The following CRYBB1 variants were observed in gnomAD, a reference collection of about 807,000 sequenced individuals.
CRYBB1 encodes the protein crystallin beta B1.
A neutral mutation model predicts 29.5 loss-of-function variants in CRYBB1; 16 were observed. The ratio of observed to expected loss-of-function variants is 0.54; its 90% CI spans 0.37 to 0.82. The LOEUF is 0.82. Among genes scored for constraint, CRYBB1 ranks in the 40% least tolerant of loss-of-function variants. CRYBB1 has a pLI of 0.00. For missense variants in CRYBB1, 300 were observed against 350.5 expected (o/e 0.86, Z 1.15); for synonymous variants, 127 against 136.7 (o/e 0.93, Z 0.49).
intron 5 of CRYBB1, among the ~76,000 whole-genome samples, chr22:26,600,009 G>A (rs1049278864): frequency 6.6e-6 from 1 of 152,226 alleles, no homozygotes; most frequent in Admixed American, 6.5e-5. Flanking sequence ...TAAACGTGAT[G>A]ATGCAGGGCT....
At chr22:26,604,213 C>T (rs1928907850) in intron 4 of CRYBB1, among the ~76,000 whole-genome samples, 1 of 152,248 alleles carries the variant, frequency 6.6e-6, no homozygotes, top group African/African-American at 2.4e-5. Flanking sequence ...CCCAGCAACT[C>T]CCAGCTGTGT....
At chr22:26,606,815 C>G (rs1361529141) in intron 4 of CRYBB1, among the ~76,000 whole-genome samples, 1 of 152,126 alleles carries the variant, frequency 6.6e-6, no homozygotes, top group African/African-American at 2.4e-5. Context: ...CCATCAGCAA[C>G]TAACATTGGT....
intron 4 of CRYBB1, among the ~76,000 whole-genome samples, chr22:26,607,019 C>CT (rs34126720): frequency 0.28 from 31,047 of 111,926 alleles, 5,441 homozygotes; most frequent in African/African-American, 0.31. Flanking sequence ...TATCCCTCTC[C>CT]TTTTTTTTTT....
chr22:26,607,751 C>A, intron 4 of CRYBB1, 138 bp downstream of exon 4: 8 of 1,150,336 alleles, frequency 7.0e-6, no homozygotes, highest in Non-Finnish European at 1.0e-5. Context: ...CTCAAGAATC[C>A]ACGGTCCTTT....
At chr22:26,611,515 C>T (rs565917779) in intron 3 of CRYBB1, among the ~76,000 whole-genome samples, 9 of 150,640 alleles carry the variant, frequency 6.0e-5, no homozygotes, top group East Asian at 1.9e-4. Flanking sequence ...TCGCCCAGGC[C>T]GGACTGCAGA....
rs761669890 is a variant in CRYBB1, at chr22:26,599,571, C to T, written c.678G>A (p.Met226Ile). The T allele has an allele frequency of 1.2e-6, 2 of 1,614,216 alleles. No individual in the cohort carries two copies. Among genetic ancestry groups the T allele is most frequent in the South Asian group, 2.2e-5 (2 of 91,080 alleles). The change falls in exon 6 of 6, where the codon ATG becomes ATA. Residue 226 changes from methionine to isoleucine, a missense_variant. By Grantham distance (10) the Met-to-Ile change is conservative. Coordinates refer to ENST00000647684, the MANE Select transcript of CRYBB1 (RefSeq NM_001887.4). ...TGTCACGCAGGCGACGCAGGGACTGCATCTGTGGCTGGAAGGCTCCCCACT... is the reference window on the plus strand; with the variant it reads ...TGTCACGCAGGCGACGCAGGGACTGTATCTGTGGCTGGAAGGCTCCCCACT... The part of the protein sequence containing the change: ...WNEWGAFQPQ[M>I]QSLRRLRDKQ...
chr22:26,607,360 C>A (rs1929009676), intron 4 of CRYBB1, among the ~76,000 whole-genome samples: 1 of 151,948 alleles, frequency 6.6e-6, no homozygotes, highest in Admixed American at 6.6e-5. Context: ...GATCTGCAAC[C>A]AGCATGTTTG....
At chr22:26,610,973 C>T (rs1929138169) in intron 3 of CRYBB1, among the ~76,000 whole-genome samples, 1 of 152,112 alleles carries the variant, frequency 6.6e-6, no homozygotes, top group Non-Finnish European at 1.5e-5. Context: ...AAACGAGCTG[C>T]GTGGATCTTG....
intron 3 of CRYBB1, among the ~76,000 whole-genome samples, chr22:26,611,739 G>A (rs1379913895): frequency 1.3e-5 from 2 of 152,140 alleles, no homozygotes; most frequent in Admixed American, 1.3e-4. Flanking sequence ...CTCCCAAAGT[G>A]CTGGGATTAC....
At chr22:26,604,574 A>G (rs529370314) in intron 4 of CRYBB1, among the ~76,000 whole-genome samples, 1 of 152,228 alleles carries the variant, frequency 6.6e-6, no homozygotes, top group African/African-American at 2.4e-5. Flanking sequence ...GGGACCTTGG[A>G]GGTTAAGGAG....
chr22:26,601,898 C>T lies in CRYBB1; in HGVS notation c.556G>A (p.Val186Met), dbSNP rs746818124. 1.7e-5 allele frequency: 28 copies of T among 1,612,082 alleles called. 1 individual carries two copies. The highest frequency in any genetic ancestry group is 7.7e-5 in the South Asian group (7 of 90,998). ...GCTTACGTTCCACTGGAGACCTTCA[C>T]GCTGCCCACGCGGTCACTGAAGCCG... ...VYGFSDRVGS[V>M]KVSSGTWVGY... The change falls in exon 5 of 6, where the codon GTG becomes ATG. Residue 186 changes from valine (V) to methionine (M), a missense_variant. Val to Met is a conservative substitution (Grantham distance 21). Transcript: ENST00000647684.
At chr22:26,612,839 G>A (rs1005859973) in intron 2 of CRYBB1, among the ~76,000 whole-genome samples, 20 of 152,062 alleles carry the variant, frequency 1.3e-4, no homozygotes, top group African/African-American at 4.6e-4. Flanking sequence ...TCTGTTTTAG[G>A]CTCAGGTGCC....
chr22:26,611,894 A>G (rs551804276), intron 3 of CRYBB1, among the ~76,000 whole-genome samples, 178 bp downstream of exon 3: 1 of 152,320 alleles, frequency 6.6e-6, no homozygotes, highest in South Asian at 2.1e-4. Flanking sequence ...CCTCATCCGT[A>G]AAATGAGATT....
intron 3 of CRYBB1, among the ~76,000 whole-genome samples, chr22:26,610,209 T>C (rs559286822): frequency 1.3e-5 from 2 of 152,310 alleles, no homozygotes; most frequent in East Asian, 1.9e-4. Flanking sequence ...TTATAAGATA[T>C]GGAAACTGAG....
At chr22:26,607,548 C>G (rs1929017110) in intron 4 of CRYBB1, among the ~76,000 whole-genome samples, 1 of 132,144 alleles carries the variant, frequency 7.6e-6, no homozygotes, top group Admixed American at 8.2e-5. Flanking sequence ...CACAGCAAAA[C>G]CCCATCTTTG....
intron 2 of CRYBB1, among the ~76,000 whole-genome samples, chr22:26,614,766 G>A (rs1190496696): frequency 6.6e-6 from 1 of 152,148 alleles, no homozygotes; most frequent in East Asian, 1.9e-4. Flanking sequence ...CGGAGGCTAG[G>A]AGTTCGAGAC....
chr22:26,607,524 A>G (rs1423363762), intron 4 of CRYBB1, among the ~76,000 whole-genome samples: 1 of 146,670 alleles, frequency 6.8e-6, no homozygotes, highest in Non-Finnish European at 1.5e-5. Flanking sequence ...ACTACTGTAC[A>G]CCAGGCTGGG....
At chr22:26,605,350 A>C (rs1928942046) in intron 4 of CRYBB1, among the ~76,000 whole-genome samples, 1 of 152,092 alleles carries the variant, frequency 6.6e-6, no homozygotes, top group Non-Finnish European at 1.5e-5. Flanking sequence ...ACAGTTTTGC[A>C]CTCAGAGCCT....
chr22:26,613,343 C>G (rs1411345179), intron 2 of CRYBB1, among the ~76,000 whole-genome samples: 1 of 152,224 alleles, frequency 6.6e-6, no homozygotes, highest in Non-Finnish European at 1.5e-5. Context: ...AGCACTTCCA[C>G]TTCTACCTTT....
Sources: allele counts gnomAD v4.1 joint callset (sites outside exome capture counted in the v4.1 genomes callset), GRCh38; gene constraint gnomAD v4.1.1; transcripts MANE v1.5; gene names NCBI Gene and HGNC (gene_info 2026-07-23, HGNC 2026-07-21).